The following CEP57L1 variants were observed in gnomAD, a reference collection of about 807,000 sequenced individuals.
CEP57L1 encodes the protein centrosomal protein CEP57L1.
Under a neutral mutation model 61.0 loss-of-function variants are expected in CEP57L1, and 37 were observed. That is an observed-to-expected ratio of 0.61 (90% CI 0.47 to 0.80). CEP57L1 has a LOEUF of 0.80. Ranked by LOEUF, CEP57L1 falls within the 30% of genes least tolerant of loss-of-function variation. The probability of loss-of-function intolerance (pLI) is 0.00; values close to 1 mark genes in which losing one functional copy is unlikely to be tolerated. For synonymous variants in CEP57L1, 137 were observed against 162.3 expected, an observed-to-expected ratio of 0.84 and a Z score of 1.19; for missense variants, 422 against 524.7, an observed-to-expected ratio of 0.80 and a Z score of 1.91.
At chr6:109,121,713 A>G (rs1772993428) in intron 1 of CEP57L1, among the ~76,000 whole-genome samples, 1 of 152,204 alleles carries the variant, frequency 6.6e-6, no homozygotes, top group African/African-American at 2.4e-5. Flanking sequence ...TCTAGGGTAC[A>G]GGTATTAGTG....
intron 1 of CEP57L1, among the ~76,000 whole-genome samples, chr6:109,136,658 G>A: frequency 6.6e-6 from 1 of 151,284 alleles, no homozygotes; most frequent in Non-Finnish European, 1.5e-5. Flanking sequence ...TCACACAGCG[G>A]TGCTTCAGTT....
intron 1 of CEP57L1, among the ~76,000 whole-genome samples, chr6:109,108,588 T>C (rs1771207353): frequency 6.6e-6 from 1 of 152,194 alleles, no homozygotes; most frequent in South Asian, 2.1e-4. Context: ...AGATGATACC[T>C]GTGAGACCTT....
chr6:109,116,405 T>G (rs1772310726), intron 1 of CEP57L1, among the ~76,000 whole-genome samples: 1 of 152,082 alleles, frequency 6.6e-6, no homozygotes, highest in Non-Finnish European at 1.5e-5. Flanking sequence ...TCAAACTCCC[T>G]ACCTCAGGTG....
In CEP57L1 at chr6:109,165,989, A is replaced by C. The variant is rs1335434273; in HGVS notation, c.*3019A>C. 6.6e-6 allele frequency: 1 copy of C among 152,254 alleles called. No homozygotes were observed. The highest frequency in any genetic ancestry group is 1.5e-5 in the Non-Finnish European group (1 of 68,046). The allele number at this position is 152,254 out of a possible 1,614,324, so 9.4% of individuals were successfully genotyped here. The stretch of plus-strand genomic sequence containing the variant: ...GGAATTGGAATTTTCTAGCCAAGGC[A>C]GGTCTCAATTTTGATGAAACTGAAG... On this transcript the variant is annotated 3_prime_UTR_variant, in exon 11 of 11. Coordinates refer to ENST00000517392, the MANE Select transcript of CEP57L1 (RefSeq NM_001271852.3).
At chr6:109,127,919 C>T (rs762363123) in intron 1 of CEP57L1, among the ~76,000 whole-genome samples, 1 of 151,962 alleles carries the variant, frequency 6.6e-6, no homozygotes, top group Non-Finnish European at 1.5e-5. Flanking sequence ...TGAGCCACTG[C>T]GGCCGACCAA....
chr6:109,129,985 T>C (rs1341359445), intron 1 of CEP57L1, among the ~76,000 whole-genome samples: 2 of 152,234 alleles, frequency 1.3e-5, no homozygotes, highest in Non-Finnish European at 2.9e-5. Context: ...CTGATTATAT[T>C]TTGATTATAT....
rs1329705752 is a variant in CEP57L1, at chr6:109,147,013, C to A, written c.340+76C>A. 5 of 1,141,892 alleles carry A rather than the reference C, an allele frequency of 4.4e-6. No homozygotes were observed. The African/African-American group carries it at 4.9e-5, about 11-fold the overall frequency. The allele number at this position is 1,141,892 out of a possible 1,614,324, so 70.7% of individuals were successfully genotyped here. A position where few individuals can be genotyped will look rare whatever the true frequency, so the allele number is the denominator to read the frequency against. Reference sequence around the variant, plus strand: ...TCAAAAATAATAAACCTAGTCTAAGCCGATGTACTCAGATATCTTTATTCT... The same window carrying A: ...TCAAAAATAATAAACCTAGTCTAAGACGATGTACTCAGATATCTTTATTCT... On this transcript the variant is annotated intron_variant, in intron 3 of 10. Coordinates refer to ENST00000517392, the MANE Select transcript of CEP57L1 (RefSeq NM_001271852.3).
chr6:109,114,187 G>T (rs1304843611), intron 1 of CEP57L1, among the ~76,000 whole-genome samples: 2 of 151,988 alleles, frequency 1.3e-5, no homozygotes, highest in Non-Finnish European at 2.9e-5. Flanking sequence ...GAGTATAAGG[G>T]TTTCTTTTTC....
chr6:109,172,905 A>G lies in CEP57L1; in HGVS notation c.*9935A>G, dbSNP rs1774468856. ...AAGAGGTTGTCATTTCTTTATGTGT[A>G]AGATACTGCCCACATACTATACTGA... On this transcript the variant is annotated 3_prime_UTR_variant, in exon 11 of 11. Coordinates refer to ENST00000517392, the MANE Select transcript of CEP57L1 (RefSeq NM_001271852.3). Among the ~76,000 whole-genome samples, 1 of 152,190 alleles carries G rather than the reference A, an allele frequency of 6.6e-6. No homozygotes were observed. The highest frequency in any genetic ancestry group is 6.5e-5 in the Admixed American group (1 of 15,282).
intron 4 of CEP57L1, among the ~76,000 whole-genome samples, chr6:109,152,293 G>T (rs560281623): frequency 6.6e-6 from 1 of 152,210 alleles, no homozygotes; most frequent in South Asian, 2.1e-4. Flanking sequence ...CAATTCTCCT[G>T]CCTCAGCCTC....
At chr6:109,112,756 A>T (rs974808890) in intron 1 of CEP57L1, among the ~76,000 whole-genome samples, 1 of 152,062 alleles carries the variant, frequency 6.6e-6, no homozygotes, top group African/African-American at 2.4e-5. Context: ...TTCTGGCAGA[A>T]ATATTTATTT....
intron 1 of CEP57L1, among the ~76,000 whole-genome samples, chr6:109,105,210 T>C (rs893207173): frequency 1.3e-5 from 2 of 152,130 alleles, no homozygotes; most frequent in Non-Finnish European, 2.9e-5. Flanking sequence ...TTTTATCATT[T>C]TTTCTTTTTT....
In CEP57L1 at chr6:109,173,638, T is replaced by A. The variant is rs1289447667; in HGVS notation, c.*10668T>A. ...TTTTTTTGAGGAGACGCGGTCTCAC[T>A]TTGCTGCCCAGGCTGGTCTCAAACT... is the stretch of plus-strand genomic sequence containing the variant. On this transcript the variant is annotated 3_prime_UTR_variant, in exon 11 of 11. Coordinates refer to ENST00000517392, the MANE Select transcript of CEP57L1 (RefSeq NM_001271852.3). Among the ~76,000 whole-genome samples, 2 of 150,972 alleles carry A rather than the reference T, an allele frequency of 1.3e-5. No homozygotes were observed. Among genetic ancestry groups the A allele is most frequent in the Non-Finnish European group, 3.0e-5 (2 of 67,710 alleles).
rs560329351 is a variant in CEP57L1, at chr6:109,168,933, T to C, written c.*5963T>C. Among the ~76,000 whole-genome samples, 1 of 149,228 alleles carries C rather than the reference T, an allele frequency of 6.7e-6. No individual in the cohort carries two copies. Among genetic ancestry groups the C allele is most frequent in the South Asian group, 2.1e-4 (1 of 4,716 alleles). The stretch of plus-strand genomic sequence containing the variant: ...ATGATATAAAATAGTATTGAAAATA[T>C]CAGAATGTGGCCAGGTGCGATGGCT... On this transcript the variant is annotated 3_prime_UTR_variant, in exon 11 of 11. Transcript: ENST00000517392.
intron 1 of CEP57L1, among the ~76,000 whole-genome samples, chr6:109,121,950 G>A (rs1773025466): frequency 6.6e-6 from 1 of 152,146 alleles, no homozygotes; most frequent in South Asian, 2.1e-4. Flanking sequence ...TGAGCATTCA[G>A]AATATAGCTT....
chr6:109,103,974 T>A (rs1319497768), intron 1 of CEP57L1, among the ~76,000 whole-genome samples: 1 of 151,746 alleles, frequency 6.6e-6, no homozygotes, highest in South Asian at 2.1e-4. Flanking sequence ...ACAAAATAAA[T>A]ACCCTTTTAA....
In CEP57L1 at chr6:109,173,934, T is replaced by TAA. The variant is rs113721386; in HGVS notation, c.*10979_*10980dup. Among the ~76,000 whole-genome samples, 4 of 136,976 alleles carry TAA rather than the reference T, an allele frequency of 2.9e-5. No individual in the cohort carries two copies. The highest frequency in any genetic ancestry group is 5.3e-5 in the African/African-American group (2 of 37,556). The allele number at this position is 136,976 out of a possible 152,430, so 89.9% of individuals were successfully genotyped here. A position where few individuals can be genotyped will look rare whatever the true frequency, so the allele number is the denominator to read the frequency against. Reference sequence around the variant, plus strand: ...CAACATGGTGAAACCCCGTCTCTACTAAAAAAAAAAAAAAAATTAGCTGGG... The same window carrying TAA: ...CAACATGGTGAAACCCCGTCTCTACTAAAAAAAAAAAAAAAAAATTAGCTGGG... On this transcript the variant is annotated 3_prime_UTR_variant, in exon 11 of 11. Coordinates refer to ENST00000517392, the MANE Select transcript of CEP57L1 (RefSeq NM_001271852.3).
intron 1 of CEP57L1, among the ~76,000 whole-genome samples, chr6:109,108,826 G>C (rs1250409081): frequency 6.6e-6 from 1 of 152,162 alleles, no homozygotes; most frequent in Non-Finnish European, 1.5e-5. Flanking sequence ...AGATGTTATA[G>C]CATCTACTGA....
Position 109,150,201 on chromosome 6 carries a change from A to G in CEP57L1, c.424A>G (p.Asn142Asp), listed in dbSNP as rs774211869. The G allele has an allele frequency of 5.5e-5, 88 of 1,607,842 alleles. 1 individual carries two copies. The highest frequency in any genetic ancestry group is 4.1e-4 in the South Asian group (37 of 90,938). Reference sequence around the variant, plus strand: ...AGAATATACAAAGAGAATGGTTCTCAACGTAGAGCGAGAAAAGAACATGAT... The same window carrying G: ...AGAATATACAAAGAGAATGGTTCTCGACGTAGAGCGAGAAAAGAACATGAT... The part of the protein sequence containing the change: ...QLEYTKRMVL[N>D]VEREKNMILE... Residue 142 changes from asparagine to aspartate, a missense_variant, in exon 4 of 11, where the codon AAC (asparagine) becomes GAC (aspartate). Coordinates refer to ENST00000517392, the MANE Select transcript of CEP57L1 (RefSeq NM_001271852.3).
Sources: allele counts gnomAD v4.1 joint callset (sites outside exome capture counted in the v4.1 genomes callset), GRCh38; gene constraint gnomAD v4.1.1; transcripts MANE v1.5; gene names NCBI Gene and HGNC (gene_info 2026-07-23, HGNC 2026-07-21).